FXYD7: variants seen among roughly 807,000 people sequenced by gnomAD.
FXYD7 encodes the protein FXYD domain-containing ion transport regulator 7.
FXYD7 carries 7 observed loss-of-function variants against 15.3 expected under a neutral mutation model. The observed-to-expected ratio is 0.46, with a 90% CI of 0.26 to 0.86. The LOEUF (loss-of-function observed/expected upper bound fraction) is 0.86, where lower values mean the gene tolerates loss of function less well. Ranked by LOEUF, FXYD7 falls within the 40% of genes least tolerant of loss-of-function variation. FXYD7 has a pLI of 0.16. For missense variants in FXYD7, 78 were observed against 100.6 expected, an observed-to-expected ratio of 0.78 and a Z score of 0.96; for synonymous variants, 39 against 39.3, an observed-to-expected ratio of 0.99 and a Z score of 0.03.
chr19:35,151,355 C>T, intron 3 of FXYD7, 27 bp downstream of exon 3: 1 of 1,594,920 alleles, frequency 6.3e-7, no homozygotes, highest in East Asian at 2.2e-5. Context: ...CCTGGGCTGC[C>T]TCAGCCTCCG....
chr19:35,149,847 T>TG (rs2065303219), intron 2 of FXYD7, among the ~76,000 whole-genome samples: 2 of 152,186 alleles, frequency 1.3e-5, no homozygotes, highest in Non-Finnish European at 2.9e-5. Context: ...GTAATGCTAG[T>TG]GCTTTGGGAG....
rs1315408157 is a variant in FXYD7 at position 35,143,481 on chromosome 19, G to T, written c.31+117G>T. Reference sequence around the variant, plus strand: ...CAAGGGAGTTGGGGGAGGGAGGTCCGCTCCTCCTGTGGGCGGAAGCCCCTG... The same window carrying T: ...CAAGGGAGTTGGGGGAGGGAGGTCCTCTCCTCCTGTGGGCGGAAGCCCCTG... On this transcript the variant is annotated intron_variant, in intron 1 of 5. Transcript: ENST00000270310. This position sits in a 1 kb window ranked among gnomAD's most constrained non-coding sequence, Gnocchi z 4.3. The T allele has an allele frequency of 6.3e-6, 5 of 793,340 alleles. No individual in the cohort carries two copies. The highest frequency in any genetic ancestry group is 4.0e-5 in the Admixed American group (1 of 25,054). The allele number at this position is 793,340 out of a possible 1,614,324, so 49.1% of individuals were successfully genotyped here. A position where few individuals can be genotyped will look rare whatever the true frequency, so the allele number is the denominator to read the frequency against.
chr19:35,148,030 A>AGAAG (rs2065295044), intron 1 of FXYD7, among the ~76,000 whole-genome samples: 1 of 15,652 alleles, frequency 6.4e-5, no homozygotes, highest in South Asian at 2.4e-3. Context: ...AAAGAAGGAA[A>AGAAG]GAAAGAAAGA....
At position 35,151,733 on chromosome 19, in the gene FXYD7, C is replaced by T. The variant is rs550509616; in HGVS notation, c.220+60C>T. 141 of 1,239,128 alleles carry T rather than the reference C, an allele frequency of 1.1e-4. 1 individual carries two copies. The South Asian group carries it at 1.6e-3, about 14-fold the overall frequency. The allele number at this position is 1,239,128 out of a possible 1,614,324, so 76.8% of individuals were successfully genotyped here. ...TTTAGGTGGGGCAGGGAAGGGAACC[C>T]TCAGAAGGGAAGTCGCGGGGATGGA... On this transcript the variant is annotated intron_variant, in intron 5 of 5. Coordinates refer to ENST00000270310, the MANE Select transcript of FXYD7 (RefSeq NM_022006.2).
intron 4 of FXYD7, 31 bp downstream of exon 4, chr19:35,151,513 G>A (rs1411261887): frequency 6.2e-7 from 1 of 1,610,378 alleles, no homozygotes; most frequent in Admixed American, 1.7e-5. Context: ...GAGCGGGAGG[G>A]GGCCTCGGGG....
intron 1 of FXYD7, among the ~76,000 whole-genome samples, chr19:35,145,816 C>T (rs945038759): frequency 4.6e-5 from 7 of 152,180 alleles, no homozygotes; most frequent in East Asian, 3.9e-4. Flanking sequence ...CTCACTCTGT[C>T]GCCTAGGCTG....
intron 2 of FXYD7, chr19:35,149,142 G>C: frequency 2.3e-6 from 1 of 429,418 alleles, no homozygotes; most frequent in Non-Finnish European, 4.7e-6. Context: ...CCACCTATGA[G>C]GACTGTGGGA....
chr19:35,152,082 T>G (rs1433911663), intron 5 of FXYD7, among the ~76,000 whole-genome samples: 7 of 132,304 alleles, frequency 5.3e-5, no homozygotes, highest in Admixed American at 1.8e-4. Flanking sequence ...GAGGTTGCAA[T>G]GAGCTGAGGT....
intron 5 of FXYD7, among the ~76,000 whole-genome samples, chr19:35,152,675 G>A (rs2065315745): frequency 6.6e-6 from 1 of 151,598 alleles, no homozygotes; most frequent in Non-Finnish European, 1.5e-5. Context: ...TGGGAAGGAG[G>A]AGCCCAGGAA....
At position 35,143,448 on chromosome 19, in the gene FXYD7, T is replaced by C; in HGVS notation, c.31+84T>C. 1 of 1,103,424 alleles carries C rather than the reference T, an allele frequency of 9.1e-7. No individual in the cohort carries two copies. The allele number at this position is 1,103,424 out of a possible 1,614,324, so 68.4% of individuals were successfully genotyped here. On this transcript the variant is annotated intron_variant, in intron 1 of 5. Coordinates refer to ENST00000270310, the MANE Select transcript of FXYD7 (RefSeq NM_022006.2). The surrounding 1 kb of genome is among the most constrained non-coding windows in gnomAD (Gnocchi z 4.3). ...AGAGGGTGTCGGGAGATTCAAGCAATGGTAAGGCAAGGGAGTTGGGGGAGG... is the reference window on the plus strand; with the variant it reads ...AGAGGGTGTCGGGAGATTCAAGCAACGGTAAGGCAAGGGAGTTGGGGGAGG...
intron 1 of FXYD7, among the ~76,000 whole-genome samples, chr19:35,146,493 C>T (rs529759953): frequency 6.6e-6 from 1 of 152,290 alleles, no homozygotes; most frequent in African/African-American, 2.4e-5. Context: ...CAATCTGAAG[C>T]AGGTGATTTC....
At chr19:35,152,004 TG>T (rs1367470679) in intron 5 of FXYD7, among the ~76,000 whole-genome samples, 1 of 151,108 alleles carries the variant, frequency 6.6e-6, no homozygotes, top group Admixed American at 6.6e-5. Flanking sequence ...CCGGGCATGG[TG>T]GTGCGCACCT....
Position 35,143,286 on chromosome 19 carries a change from C to G in FXYD7, c.-48C>G. 1 of 1,499,148 alleles carries G rather than the reference C, an allele frequency of 6.7e-7. No homozygotes were observed. Among genetic ancestry groups the G allele is most frequent in the Non-Finnish European group, 9.0e-7 (1 of 1,107,930 alleles). 92.9% of individuals were successfully genotyped at this position (1,499,148 alleles called of 1,614,324 possible). On this transcript the variant is annotated 5_prime_UTR_variant, in exon 1 of 6. Coordinates refer to ENST00000270310, the MANE Select transcript of FXYD7 (RefSeq NM_022006.2). This position sits in a 1 kb window ranked among gnomAD's most constrained non-coding sequence, Gnocchi z 4.3. ...TCCGTCCTGCTTCCAGCTGCTGCAG[C>G]GCGCCTTCGCCGCCAAAGCATCCAG...
intron 2 of FXYD7, 85 bp downstream of exon 2, chr19:35,148,808 G>A (rs553334533): frequency 1.1e-5 from 13 of 1,218,638 alleles, no homozygotes; most frequent in Admixed American, 6.7e-5. Context: ...TTCAGCTGTG[G>A]CCACACGATA....
Position 35,143,433 on chromosome 19 carries a change from G to A in FXYD7, c.31+69G>A, listed in dbSNP as rs1484617046. ...CTGAGAGCCTAGGAGAGAGGGTGTCGGGAGATTCAAGCAATGGTAAGGCAA... is the reference window on the plus strand; with the variant it reads ...CTGAGAGCCTAGGAGAGAGGGTGTCAGGAGATTCAAGCAATGGTAAGGCAA... On this transcript the variant is annotated intron_variant, in intron 1 of 5. Transcript: ENST00000270310. This position sits in a 1 kb window ranked among gnomAD's most constrained non-coding sequence, Gnocchi z 4.3. 5 of 1,226,288 alleles carry A rather than the reference G, an allele frequency of 4.1e-6. No individual in the cohort carries two copies. Among genetic ancestry groups the A allele is most frequent in the Non-Finnish European group, 5.5e-6 (5 of 906,622 alleles). The allele number at this position is 1,226,288 out of a possible 1,614,324, so 76.0% of individuals were successfully genotyped here.
Position 35,151,479 on chromosome 19 carries a change from A to G in FXYD7, c.176A>G (p.Glu59Gly), listed in dbSNP as rs1292327357. Residue 59 changes from glutamate to glycine, a missense_variant, in exon 4 of 6, where the codon GAG becomes GGG. Coordinates refer to ENST00000270310, the MANE Select transcript of FXYD7 (RefSeq NM_022006.2). ...VKCRKADSRS[E>G]SPTCKSCKSE... The stretch of plus-strand genomic sequence containing the variant: ...TGCAGGAAGGCGGACTCCAGGTCTG[A>G]GAGGTCTGGCAGCAGTGGGCAAAGA... The G allele has an allele frequency of 3.7e-6, 6 of 1,613,920 alleles. No homozygotes were observed. In the South Asian group the frequency reaches 5.5e-5, roughly 15 times the overall value.
At chr19:35,151,721 G>A (rs772263936) in intron 5 of FXYD7, 48 bp downstream of exon 5, 18 of 1,449,062 alleles carry the variant, frequency 1.2e-5, no homozygotes, top group Non-Finnish European at 1.7e-5. Flanking sequence ...AGGTGGGGCA[G>A]GGAAGGGAAC....
intron 1 of FXYD7, among the ~76,000 whole-genome samples, chr19:35,145,473 G>A (rs1448455982): frequency 6.6e-6 from 1 of 152,238 alleles, no homozygotes; most frequent in Non-Finnish European, 1.5e-5. Context: ...ACGGGTGTGT[G>A]GAAAACAGAC....
In FXYD7 at chr19:35,151,163, G is replaced by C. The variant is rs571290031; in HGVS notation, c.62-91G>C. 4.4e-5 allele frequency: 37 copies of C among 842,922 alleles called. No homozygotes were observed. The South Asian group carries it at 4.6e-4, about 11-fold the overall frequency. The allele number at this position is 842,922 out of a possible 1,614,324, so 52.2% of individuals were successfully genotyped here. On this transcript the variant is annotated intron_variant, in intron 2 of 5. Coordinates refer to ENST00000270310, the MANE Select transcript of FXYD7 (RefSeq NM_022006.2). The stretch of plus-strand genomic sequence containing the variant: ...CCACAGCCTCCCTGGGCGATTCTGG[G>C]TTCCTGGCTGGGCCACCCAGAGCCA...
Sources: allele counts gnomAD v4.1 joint callset (sites outside exome capture counted in the v4.1 genomes callset), GRCh38; gene constraint gnomAD v4.1.1; non-coding constraint Gnocchi (gnomAD v3.1); transcripts MANE v1.5; gene names NCBI Gene and HGNC (gene_info 2026-07-23, HGNC 2026-07-21).